Variants in ARID5B observed in about 807,000 individuals in gnomAD.
ARID5B encodes the protein AT-rich interaction domain 5B.
A neutral mutation model predicts 97.2 loss-of-function variants in ARID5B; 13 were observed. That is an observed-to-expected ratio of 0.13 (90% CI 0.09 to 0.21). The LOEUF is 0.21. ARID5B is among the 10% of genes least tolerant of loss of function. The probability of loss-of-function intolerance (pLI) is 1.00; values close to 1 mark genes in which losing one functional copy is unlikely to be tolerated. For synonymous variants in ARID5B, 556 were observed against 570.3 expected (o/e 0.97, Z 0.36); for missense variants, 1,210 against 1,465.3 (o/e 0.83, Z 2.84).
At chr10:62,087,379 C>T (rs970306410) in intron 9 of ARID5B, among the ~76,000 whole-genome samples, 3 of 145,660 alleles carry the variant, frequency 2.1e-5, no homozygotes, top group African/African-American at 5.1e-5. Flanking sequence ...TCCTATGAAA[C>T]CATTATTATT....
intron 2 of ARID5B, among the ~76,000 whole-genome samples, chr10:61,905,280 C>A (rs930927138): frequency 6.6e-6 from 1 of 152,100 alleles, no homozygotes; most frequent in African/African-American, 2.4e-5. Flanking sequence ...GCATCCATTT[C>A]GAAAGGACAG....
chr10:61,983,329 A>G (rs1317318387), intron 3 of ARID5B, among the ~76,000 whole-genome samples: 3 of 152,208 alleles, frequency 2.0e-5, no homozygotes, highest in Non-Finnish European at 4.4e-5. Flanking sequence ...GCTTTGACTT[A>G]AAAGGATAAG....
chr10:62,025,781 G>T (rs1839412530), intron 4 of ARID5B, among the ~76,000 whole-genome samples: 1 of 145,810 alleles, frequency 6.9e-6, no homozygotes, highest in Non-Finnish European at 1.5e-5. Flanking sequence ...AAGCATGCCT[G>T]CTGACCAAGG....
At chr10:61,905,584 G>T (rs193176224) in intron 2 of ARID5B, among the ~76,000 whole-genome samples, 296 of 152,164 alleles carry the variant, frequency 1.9e-3, no homozygotes, top group Non-Finnish European at 3.3e-3. Flanking sequence ...AGGTCACCAG[G>T]CTAGAACCCA....
intron 4 of ARID5B, among the ~76,000 whole-genome samples, chr10:62,024,396 T>C (rs1390590849): frequency 6.6e-6 from 1 of 152,230 alleles, no homozygotes; most frequent in Non-Finnish European, 1.5e-5. Flanking sequence ...TTGAGTTTAA[T>C]GGTAACACAA....
chr10:62,005,369 T>G (rs1839133387), intron 4 of ARID5B, among the ~76,000 whole-genome samples: 1 of 152,210 alleles, frequency 6.6e-6, no homozygotes, highest in Non-Finnish European at 1.5e-5. Flanking sequence ...TAAGACTGTG[T>G]TCACTTGATT....
Position 62,016,535 on chromosome 10 carries a change from G to A in ARID5B, c.733+16214G>A, listed in dbSNP as rs114407352. On this transcript the variant is annotated intron_variant, in intron 4 of 9. Coordinates refer to ENST00000279873, the MANE Select transcript of ARID5B (RefSeq NM_032199.3). The stretch of plus-strand genomic sequence containing the variant: ...TTTAATACTTTTCAAAGTGATGTTT[G>A]AGATTGAGAGGCATTAAAATAAAAC... Among the ~76,000 whole-genome samples the A allele has an allele frequency of 5.3e-3, 802 of 152,300 alleles. 6 individuals carry two copies. Among genetic ancestry groups the A allele is most frequent in the African/African-American group, 0.018 (761 of 41,556 alleles).
chr10:61,972,612 A>G (rs1838644922), intron 3 of ARID5B, among the ~76,000 whole-genome samples: 1 of 152,056 alleles, frequency 6.6e-6, no homozygotes, highest in Non-Finnish European at 1.5e-5. Context: ...GATGAACTCC[A>G]CTGTATTCTA....
intron 3 of ARID5B, among the ~76,000 whole-genome samples, chr10:61,980,647 G>A (rs1356433459): frequency 6.6e-6 from 1 of 152,180 alleles, no homozygotes; most frequent in Non-Finnish European, 1.5e-5. Context: ...AATTCATCGA[G>A]CTTCCTGGTT....
At chr10:61,926,287 G>A (rs975452037) in intron 2 of ARID5B, among the ~76,000 whole-genome samples, 14 of 152,230 alleles carry the variant, frequency 9.2e-5, no homozygotes, top group Non-Finnish European at 1.8e-4. Flanking sequence ...CAGGAGGTGG[G>A]GAAAGGTGCA....
intron 2 of ARID5B, among the ~76,000 whole-genome samples, chr10:61,939,013 CA>C (rs1844354710): frequency 9.2e-6 from 1 of 108,184 alleles, no homozygotes; most frequent in Non-Finnish European, 2.0e-5. Flanking sequence ...GTCGGTGGGG[CA>C]GGGGGAGGAG....
At chr10:62,068,702 C>T (rs1840025057) in intron 7 of ARID5B, among the ~76,000 whole-genome samples, 1 of 152,042 alleles carries the variant, frequency 6.6e-6, no homozygotes, top group African/African-American at 2.4e-5. Context: ...TCCCGTAACC[C>T]TGTTGAGAAA....
chr10:61,973,128 G>T (rs1838652036), intron 3 of ARID5B, among the ~76,000 whole-genome samples: 1 of 152,112 alleles, frequency 6.6e-6, no homozygotes, highest in Admixed American at 6.6e-5. Context: ...GAGCCTCTGA[G>T]GGCCTATATT....
chr10:62,052,253 A>T (rs545395263), intron 5 of ARID5B, among the ~76,000 whole-genome samples: 1 of 152,220 alleles, frequency 6.6e-6, no homozygotes, highest in Admixed American at 6.5e-5. Flanking sequence ...GGATGCCATG[A>T]ATGACATTTT....
At chr10:62,026,099 A>G (rs1839417473) in intron 4 of ARID5B, among the ~76,000 whole-genome samples, 2 of 152,236 alleles carry the variant, frequency 1.3e-5, no homozygotes, top group South Asian at 4.1e-4. Context: ...TCGGGTTCAG[A>G]TTCCAAGTGC....
rs71299289 is a variant in ARID5B, at chr10:62,087,298, C to CAAAAAAAAAAAAAAAAAA, written c.1398+1401_1398+1418dup. 5.9e-4 allele frequency among the ~76,000 whole-genome samples: 24 copies of CAAAAAAAAAAAAAAAAAA among 40,926 alleles called. 2 individuals are homozygous for CAAAAAAAAAAAAAAAAAA. The Admixed American group carries it at 6.9e-3, about 12-fold the overall frequency. 26.8% of individuals were successfully genotyped at this position (40,926 alleles called of 152,430 possible). On this transcript the variant is annotated intron_variant, in intron 9 of 9. Coordinates refer to ENST00000279873, the MANE Select transcript of ARID5B (RefSeq NM_032199.3). ...TGGGTGACAGAGAGAGACTCTATCT[C>CAAAAAAAAAAAAAAAAAA]AAAAAAAAAAAAAAAAAAAAGGAAA...
At chr10:62,036,700 G>A (rs1467076998) in intron 4 of ARID5B, among the ~76,000 whole-genome samples, 1 of 152,208 alleles carries the variant, frequency 6.6e-6, no homozygotes, top group Non-Finnish European at 1.5e-5. Context: ...TCACCCTGCA[G>A]AGACCCAAAT....
chr10:61,911,506 G>A (rs1318054468), intron 2 of ARID5B, among the ~76,000 whole-genome samples: 1 of 152,236 alleles, frequency 6.6e-6, no homozygotes, highest in Non-Finnish European at 1.5e-5. Context: ...GTTGCTCAAA[G>A]ATGTAGTTCT....
At chr10:62,006,188 T>A (rs1224508859) in intron 4 of ARID5B, among the ~76,000 whole-genome samples, 1 of 152,182 alleles carries the variant, frequency 6.6e-6, no homozygotes, top group Non-Finnish European at 1.5e-5. Flanking sequence ...ACACCTGTAA[T>A]CCTAGCACTT....
Sources: gnomAD v4.1 joint callset for allele counts (sites outside exome capture counted in the v4.1 genomes callset) on GRCh38, gnomAD v4.1.1 for gene constraint, MANE v1.5 for transcripts, NCBI Gene and HGNC (gene_info 2026-07-23, HGNC 2026-07-21) for gene names.